TMEM215: variants seen among roughly 807,000 people sequenced by gnomAD.
TMEM215 encodes the protein transmembrane protein 215.
In TMEM215, 12 loss-of-function variants were observed where a neutral mutation model predicts 14.7. That is an observed-to-expected ratio of 0.82 (90% CI 0.52 to 1.33). The LOEUF is 1.33. TMEM215 is among the 40% of genes most tolerant of loss of function. The pLI, the probability that TMEM215 is intolerant of heterozygous loss-of-function variation, is 0.00. For synonymous variants in TMEM215, 122 were observed against 124.8 expected, an observed-to-expected ratio of 0.98 and a Z score of 0.15; for missense variants, 276 against 296.2, an observed-to-expected ratio of 0.93 and a Z score of 0.50.
rs140952173 is a variant in TMEM215, at chr9:32,787,774, A to C, written c.*2883A>C. On this transcript the variant is annotated 3_prime_UTR_variant, in exon 2 of 2. Coordinates refer to ENST00000342743, the MANE Select transcript of TMEM215 (RefSeq NM_212558.3). ...AGAGCTCCTAGACAGATATAAATTT[A>C]AGTAGACATTACTTTATTTTGCTGT... Among the ~76,000 whole-genome samples the C allele has an allele frequency of 4.1e-3, 617 of 152,258 alleles. 5 individuals carry two copies. Among genetic ancestry groups the C allele is most frequent in the Middle Eastern group, 0.014 (4 of 294 alleles).
rs1221105073 is a variant in TMEM215, at chr9:32,784,479, C to A, written c.296C>A (p.Ser99Ter). 6.2e-7 allele frequency: 1 copy of A among 1,614,088 alleles called. No individual in the cohort carries two copies. The highest frequency in any genetic ancestry group is 8.5e-7 in the Non-Finnish European group (1 of 1,180,036). ...GTGGTAGAGCTGCTGAGGACCCCTT[C>A]AGACCTAGAATCCGGCAAGGGGAGC... is the stretch of plus-strand genomic sequence containing the variant. ...KEVVELLRTP[S>*]DLESGKGSSD... Residue 99 changes from serine to a stop codon, truncating the protein, a stop_gained, in exon 2 of 2, where the codon TCA (serine) becomes TAA (stop). Transcript: ENST00000342743. LOFTEE classifies it high-confidence loss of function.
In TMEM215 at chr9:32,788,954, G is replaced by C. The variant is rs1824536870; in HGVS notation, c.*4063G>C. ...AGATGTAAACAATAATAATGACTTT[G>C]TAATATGCCAAAAGCATTTTCTTAA... On this transcript the variant is annotated 3_prime_UTR_variant, in exon 2 of 2. Coordinates refer to ENST00000342743, the MANE Select transcript of TMEM215 (RefSeq NM_212558.3). 6.6e-6 allele frequency among the ~76,000 whole-genome samples: 1 copy of C among 152,132 alleles called. No individual in the cohort carries two copies. Among genetic ancestry groups the C allele is most frequent in the Admixed American group, 6.6e-5 (1 of 15,264 alleles).
rs1824501410 is a variant in TMEM215 at position 32,785,892 on chromosome 9, A to G, written c.*1001A>G. On this transcript the variant is annotated 3_prime_UTR_variant, in exon 2 of 2. Transcript: ENST00000342743. Reference sequence around the variant, plus strand: ...GAAATGCAATGGTTAAACCTTTGGAAGTGTCATTATTTGTACATTTGTTCA... The same window carrying G: ...GAAATGCAATGGTTAAACCTTTGGAGGTGTCATTATTTGTACATTTGTTCA... 1 of 166,942 alleles carries G rather than the reference A, an allele frequency of 6.0e-6. No homozygotes were observed. Among genetic ancestry groups the G allele is most frequent in the African/African-American group, 2.4e-5 (1 of 41,456 alleles). The allele number at this position is 166,942 out of a possible 1,614,324, so 10.3% of individuals were successfully genotyped here.
rs143664879 is a variant in TMEM215 at position 32,784,608 on chromosome 9, A to G, written c.425A>G (p.Glu142Gly). The G allele has an allele frequency of 1.2e-6, 2 of 1,613,686 alleles. No individual in the cohort carries two copies. Among genetic ancestry groups the G allele is most frequent in the African/African-American group, 1.3e-5 (1 of 75,028 alleles). ...TCCATCAACAGCCCCACACCCACGG[A>G]GGAAGGAGAATGCCAGAGCCTCGTC... ...ASSINSPTPT[E>G]EGECQSLVQN... Residue 142 changes from glutamate to glycine, a missense_variant, in exon 2 of 2, where the codon GAG (glutamate) becomes GGG (glycine). Transcript: ENST00000342743.
chr9:32,784,974 CCTTCACACTGTTAGA>C lies in TMEM215; in HGVS notation c.*84_*98del. The C allele has an allele frequency of 4.3e-6, 5 of 1,174,284 alleles. No homozygotes were observed. Among genetic ancestry groups the C allele is most frequent in the Non-Finnish European group, 6.1e-6 (5 of 813,336 alleles). The allele number at this position is 1,174,284 out of a possible 1,614,324, so 72.7% of individuals were successfully genotyped here. On this transcript the variant is annotated 3_prime_UTR_variant, in exon 2 of 2. Coordinates refer to ENST00000342743, the MANE Select transcript of TMEM215 (RefSeq NM_212558.3). The stretch of plus-strand genomic sequence containing the variant: ...GAAGCAAATTGCTCTGCTTGGAGAG[CCTTCACACTGTTAGA>C]AATTGACCTGGTATGTGATGGGTGT...
At position 32,787,280 on chromosome 9, in the gene TMEM215, A is replaced by G. The variant is rs1258303088; in HGVS notation, c.*2389A>G. 1.2e-5 allele frequency: 2 copies of G among 166,846 alleles called. No individual in the cohort carries two copies. Among genetic ancestry groups the G allele is most frequent in the Non-Finnish European group, 2.9e-5 (2 of 68,020 alleles). The allele number at this position is 166,846 out of a possible 1,614,324, so 10.3% of individuals were successfully genotyped here. On this transcript the variant is annotated 3_prime_UTR_variant, in exon 2 of 2. Transcript: ENST00000342743. The stretch of plus-strand genomic sequence containing the variant: ...GTATTTTATCTTGTTTTCAAGTTCT[A>G]CTTCAGAAGAAAACCTATTTCATGT...
rs1315038817 is a variant in TMEM215, at chr9:32,786,064, A to G, written c.*1173A>G. The G allele has an allele frequency of 1.2e-5, 2 of 166,970 alleles. No individual in the cohort carries two copies. The highest frequency in any genetic ancestry group is 4.8e-5 in the African/African-American group (2 of 41,464). 10.3% of individuals were successfully genotyped at this position (166,970 alleles called of 1,614,324 possible). A position where few individuals can be genotyped will look rare whatever the true frequency, so the allele number is the denominator to read the frequency against. Reference sequence around the variant, plus strand: ...TCATACATTTTTGCTGCTGAGGAAAACAACAAATCACAATGATATCCTAAA... The same window carrying G: ...TCATACATTTTTGCTGCTGAGGAAAGCAACAAATCACAATGATATCCTAAA... On this transcript the variant is annotated 3_prime_UTR_variant, in exon 2 of 2. Coordinates refer to ENST00000342743, the MANE Select transcript of TMEM215 (RefSeq NM_212558.3).
At position 32,784,551 on chromosome 9, in the gene TMEM215, C is replaced by T. The variant is rs576066824; in HGVS notation, c.368C>T (p.Pro123Leu). Reference protein sequence around the residue: ...KKAGLRGKPPPQSQGEVSVAS... With the variant: ...KKAGLRGKPPLQSQGEVSVAS... Reference sequence around the variant, plus strand: ...GCGGGCCTCAGGGGGAAGCCTCCCCCACAAAGCCAGGGTGAGGTGTCCGTG... The same window carrying T: ...GCGGGCCTCAGGGGGAAGCCTCCCCTACAAAGCCAGGGTGAGGTGTCCGTG... The change falls in exon 2 of 2, where the codon CCA becomes CTA. Residue 123 changes from proline (P) to leucine (L), a missense_variant. Transcript: ENST00000342743. 68 of 1,613,850 alleles carry T rather than the reference C, an allele frequency of 4.2e-5. No individual in the cohort carries two copies. In the South Asian group the frequency reaches 5.4e-4, roughly 13 times the overall value.
chr9:32,786,631 C>T lies in TMEM215; in HGVS notation c.*1740C>T, dbSNP rs1178302948. 6.0e-6 allele frequency: 1 copy of T among 166,720 alleles called. No individual in the cohort carries two copies. The highest frequency in any genetic ancestry group is 1.9e-4 in the East Asian group (1 of 5,196). 10.3% of individuals were successfully genotyped at this position (166,720 alleles called of 1,614,324 possible). A position where few individuals can be genotyped will look rare whatever the true frequency, so the allele number is the denominator to read the frequency against. On this transcript the variant is annotated 3_prime_UTR_variant, in exon 2 of 2. Coordinates refer to ENST00000342743, the MANE Select transcript of TMEM215 (RefSeq NM_212558.3). ...TATGTCAAAGGCATTTTATATATTG[C>T]CAGGAAATGAGTTACAGCAAAATGC...
rs1824500654 is a variant in TMEM215, at chr9:32,785,827, A to G, written c.*936A>G. The G allele has an allele frequency of 1.8e-5, 3 of 166,894 alleles. No homozygotes were observed. The highest frequency in any genetic ancestry group is 6.5e-5 in the Admixed American group (1 of 15,282). 10.3% of individuals were successfully genotyped at this position (166,894 alleles called of 1,614,324 possible). A position where few individuals can be genotyped will look rare whatever the true frequency, so the allele number is the denominator to read the frequency against. The stretch of plus-strand genomic sequence containing the variant: ...ACCTTTTAAAATCTGAAAACTATAA[A>G]GTCTACACATTAGCCTTGAACATTG... On this transcript the variant is annotated 3_prime_UTR_variant, in exon 2 of 2. Coordinates refer to ENST00000342743, the MANE Select transcript of TMEM215 (RefSeq NM_212558.3).
chr9:32,784,233 T>C lies in TMEM215; in HGVS notation c.50T>C (p.Val17Ala). 6.2e-7 allele frequency: 1 copy of C among 1,614,104 alleles called. No homozygotes were observed. The highest frequency in any genetic ancestry group is 8.5e-7 in the Non-Finnish European group (1 of 1,180,000). The change falls in exon 2 of 2, where the codon GTC becomes GCC. Residue 17 changes from valine (V) to alanine (A), a missense_variant. Val to Ala is a moderately conservative substitution (Grantham distance 64). Coordinates refer to ENST00000342743, the MANE Select transcript of TMEM215 (RefSeq NM_212558.3). ...AGGACTGGGCTGGTGGTGGCCCTGGTCAGTGTCTTCCTCGTCTTTGGTTTC... is the reference window on the plus strand; with the variant it reads ...AGGACTGGGCTGGTGGTGGCCCTGGCCAGTGTCTTCCTCGTCTTTGGTTTC... Reference protein sequence around the residue: ...NPRTGLVVALVSVFLVFGFMF... With the variant: ...NPRTGLVVALASVFLVFGFMF...
chr9:32,784,992 T>G lies in TMEM215; in HGVS notation c.*101T>G, dbSNP rs966210165. Reference sequence around the variant, plus strand: ...TGGAGAGCCTTCACACTGTTAGAAATTGACCTGGTATGTGATGGGTGTGAT... The same window carrying G: ...TGGAGAGCCTTCACACTGTTAGAAAGTGACCTGGTATGTGATGGGTGTGAT... On this transcript the variant is annotated 3_prime_UTR_variant, in exon 2 of 2. Coordinates refer to ENST00000342743, the MANE Select transcript of TMEM215 (RefSeq NM_212558.3). 4.1e-6 allele frequency: 4 copies of G among 986,880 alleles called. No homozygotes were observed. Among genetic ancestry groups the G allele is most frequent in the Admixed American group, 4.6e-5 (2 of 43,368 alleles). The allele number at this position is 986,880 out of a possible 1,614,324, so 61.1% of individuals were successfully genotyped here.
chr9:32,786,524 T>G lies in TMEM215; in HGVS notation c.*1633T>G, dbSNP rs543189438. The G allele has an allele frequency of 1.1e-4, 19 of 167,082 alleles. No homozygotes were observed. Among genetic ancestry groups the G allele is most frequent in the African/African-American group, 4.3e-4 (18 of 41,582 alleles). The allele number at this position is 167,082 out of a possible 1,614,324, so 10.3% of individuals were successfully genotyped here. ...AATTTTATCTTCTTACACCTGAGTT[T>G]CCTACTCTGTGAAGGGAGGGGGAAC... On this transcript the variant is annotated 3_prime_UTR_variant, in exon 2 of 2. Coordinates refer to ENST00000342743, the MANE Select transcript of TMEM215 (RefSeq NM_212558.3).
In TMEM215 at chr9:32,785,960, T is replaced by C. The variant is rs1824502114; in HGVS notation, c.*1069T>C. On this transcript the variant is annotated 3_prime_UTR_variant, in exon 2 of 2. Transcript: ENST00000342743. ...TAAATGCCAGTGAAACAAGAACTCA[T>C]CTACTAAATTTAACTGAAGCCTAGA... 1 of 166,994 alleles carries C rather than the reference T, an allele frequency of 6.0e-6. No homozygotes were observed. Among genetic ancestry groups the C allele is most frequent in the African/African-American group, 2.4e-5 (1 of 41,452 alleles). 10.3% of individuals were successfully genotyped at this position (166,994 alleles called of 1,614,324 possible).
rs757812856 is a variant in TMEM215, at chr9:32,784,760, G to A, written c.577G>A (p.Glu193Lys). Residue 193 changes from glutamate (E) to lysine (K), a missense_variant, in exon 2 of 2, where the codon GAG becomes AAG. Physicochemically the swap from Glu to Lys is moderately conservative, Grantham distance 56. Coordinates refer to ENST00000342743, the MANE Select transcript of TMEM215 (RefSeq NM_212558.3). ...GGACAGATCTGAGTGCCCTGAGCCT[G>A]AGGATAGCATCTTCTTTGTGCCCCA... ...ARDRSECPEP[E>K]DSIFFVPQDS... 23 of 1,614,046 alleles carry A rather than the reference G, an allele frequency of 1.4e-5. No homozygotes were observed. The highest frequency in any genetic ancestry group is 1.9e-5 in the Non-Finnish European group (23 of 1,180,036).
In TMEM215 at chr9:32,784,207, G is replaced by A. The variant is rs781113509; in HGVS notation, c.24G>A (p.Pro8=). 4 of 1,613,822 alleles carry A rather than the reference G, an allele frequency of 2.5e-6. No homozygotes were observed. The highest frequency in any genetic ancestry group is 1.1e-5 in the South Asian group (1 of 91,048). The change falls in exon 2 of 2, where the codon CCG becomes CCA. Residue 8 remains proline (P), a synonymous_variant. Transcript: ENST00000342743. The part of the protein sequence containing the change: MRPDDIN[P]RTGLVVALVS... ...ACATGCGGCCTGATGACATTAACCC[G>A]AGGACTGGGCTGGTGGTGGCCCTGG...
rs973588770 is a variant in TMEM215, at chr9:32,788,357, C to T, written c.*3466C>T. On this transcript the variant is annotated 3_prime_UTR_variant, in exon 2 of 2. Transcript: ENST00000342743. ...CTATTTTGGTATATCATCTTCCAGG[C>T]TTCCTCCACATGCAAATGCAGCATA... 4.6e-5 allele frequency among the ~76,000 whole-genome samples: 7 copies of T among 152,224 alleles called. No individual in the cohort carries two copies. The highest frequency in any genetic ancestry group is 3.3e-4 in the Admixed American group (5 of 15,280).
rs981392298 is a variant in TMEM215 at position 32,785,748 on chromosome 9, A to G, written c.*857A>G. ...TCAAGACAAAATGAATTTTACATAT[A>G]TATCCAAGTCTTTAACATTGGCAGA... On this transcript the variant is annotated 3_prime_UTR_variant, in exon 2 of 2. Coordinates refer to ENST00000342743, the MANE Select transcript of TMEM215 (RefSeq NM_212558.3). 2 of 166,792 alleles carry G rather than the reference A, an allele frequency of 1.2e-5. No homozygotes were observed. Among genetic ancestry groups the G allele is most frequent in the African/African-American group, 4.8e-5 (2 of 41,472 alleles). 10.3% of individuals were successfully genotyped at this position (166,792 alleles called of 1,614,324 possible).
In TMEM215 at chr9:32,784,254, G is replaced by T. The variant is rs772771218; in HGVS notation, c.71G>T (p.Gly24Val). 1.3e-5 allele frequency: 21 copies of T among 1,614,072 alleles called. No individual in the cohort carries two copies. The Admixed American group carries it at 3.0e-4, about 23-fold the overall frequency. The stretch of plus-strand genomic sequence containing the variant: ...CTGGTCAGTGTCTTCCTCGTCTTTG[G>T]TTTCATGTTCACCGTCTCTGGGATG... ...VALVSVFLVFGFMFTVSGMKG... is the reference protein window; with the variant it reads ...VALVSVFLVFVFMFTVSGMKG... Residue 24 changes from glycine (G) to valine (V), a missense_variant, in exon 2 of 2, where the codon GGT becomes GTT. Transcript: ENST00000342743.
Sources: allele counts gnomAD v4.1 joint callset (sites outside exome capture counted in the v4.1 genomes callset), GRCh38; gene constraint gnomAD v4.1.1; transcripts MANE v1.5; gene names NCBI Gene and HGNC (gene_info 2026-07-23, HGNC 2026-07-21).